GOLGA4: variants seen among roughly 807,000 people sequenced by gnomAD.
The protein encoded by GOLGA4 is golgin A4, also known as golgin subfamily A member 4.
In GOLGA4, 169 loss-of-function variants were observed where a neutral mutation model predicts 265.9. The observed-to-expected ratio is 0.64, with a 90% CI of 0.56 to 0.72. The LOEUF (loss-of-function observed/expected upper bound fraction) is 0.72. GOLGA4 is among the 30% of genes least tolerant of loss of function. The pLI, the probability that GOLGA4 is intolerant of heterozygous loss-of-function variation, is 0.00. For synonymous variants in GOLGA4, 923 were observed against 855.8 expected, an observed-to-expected ratio of 1.08 and a Z score of -1.37; for missense variants, 2,482 against 2,483.4, an observed-to-expected ratio of 1.00 and a Z score of 0.01.
At chr3:37,362,077 C>T (rs1696317474) in intron 23 of GOLGA4, among the ~76,000 whole-genome samples, 1 of 152,150 alleles carries the variant, frequency 6.6e-6, no homozygotes, top group Non-Finnish European at 1.5e-5. Flanking sequence ...AAAAACAGAT[C>T]ACAATTAGTA....
intron 1 of GOLGA4, among the ~76,000 whole-genome samples, chr3:37,248,182 C>T (rs1369846747): frequency 1.3e-5 from 2 of 152,200 alleles, no homozygotes; most frequent in South Asian, 2.1e-4. Context: ...TACTGTGTTA[C>T]TCAGGCAGTC....
chr3:37,319,279 G>T (rs1352974863), intron 12 of GOLGA4, 85 bp downstream of exon 12: 3 of 1,122,866 alleles, frequency 2.7e-6, no homozygotes, highest in Middle Eastern at 2.2e-4. Flanking sequence ...CATTCCAGTT[G>T]GAAGTCAGAC....
Position 37,340,167 on chromosome 3 carries a change from T to C in GOLGA4, c.6440T>C (p.Val2147Ala). ...CGTTTGAAGAAATATGAAAAGAATG[T>C]ATATGCAACAACTGTGGGGACACCT... ...EDRLKKYEKNVYATTVGTPYK... is the reference protein window; with the variant it reads ...EDRLKKYEKNAYATTVGTPYK... Residue 2147 changes from valine (V) to alanine (A), a missense_variant, in exon 20 of 24, where the codon GTA (valine) becomes GCA (alanine). Coordinates refer to ENST00000361924, the MANE Select transcript of GOLGA4 (RefSeq NM_002078.5). The C allele has an allele frequency of 7.0e-7, 1 of 1,437,850 alleles. No individual in the cohort carries two copies. The highest frequency in any genetic ancestry group is 9.7e-7 in the Non-Finnish European group (1 of 1,034,762). The allele number at this position is 1,437,850 out of a possible 1,614,324, so 89.1% of individuals were successfully genotyped here. A position where few individuals can be genotyped will look rare whatever the true frequency, so the allele number is the denominator to read the frequency against.
At position 37,303,708 on chromosome 3, in the gene GOLGA4, A is replaced by AAGTTTTACAGTAGT. The variant is rs1225539731; in HGVS notation, c.1234+1380_1234+1393dup. On this transcript the variant is annotated intron_variant, in intron 10 of 23. Coordinates refer to ENST00000361924, the MANE Select transcript of GOLGA4 (RefSeq NM_002078.5). ...GAGAGGCGGATTTCTACAAAAGATT[A>AAGTTTTACAGTAGT]AGTTTTACAGTAGTAGTAATAGTCA... Among the ~76,000 whole-genome samples the AAGTTTTACAGTAGT allele has an allele frequency of 2.6e-5, 4 of 152,324 alleles. No homozygotes were observed. In the East Asian group the frequency reaches 7.7e-4, roughly 29 times the overall value.
rs1445187218 is a variant in GOLGA4, at chr3:37,251,457, A to G, written c.135A>G (p.Gln45=). 5 of 1,610,268 alleles carry G rather than the reference A, an allele frequency of 3.1e-6. No homozygotes were observed. Among genetic ancestry groups the G allele is most frequent in the East Asian group, 2.2e-5 (1 of 44,842 alleles). ...MRSRTSSFTE[Q]LDEGTPNRES... ...GCAGGACATCTTCATTTACAGAGCA[A>G]CTTGATGAAGGTACACCCAATAGAG... Residue 45 remains glutamine (Q), a synonymous_variant, in exon 2 of 24, where the codon CAA becomes CAG. Coordinates refer to ENST00000361924, the MANE Select transcript of GOLGA4 (RefSeq NM_002078.5).
In GOLGA4 at chr3:37,355,155, A is replaced by C. The variant is rs199947560; in HGVS notation, c.6631A>C (p.Lys2211Gln). ...VLKFPDDQTQ[K>Q]ILEREDARLM... ...GAAGTTCCCTGATGATCAGACTCAG[A>C]AAATTTTGGAAAGAGAAGATGCTCG... The change falls in exon 22 of 24, where the codon AAA becomes CAA. Residue 2211 changes from lysine (K) to glutamine (Q), a missense_variant. Around this residue, in one of 3 missense-constraint regions of GOLGA4, gnomAD observed 942 missense variants for 983.1 expected, o/e 0.96. Transcript: ENST00000361924. 2.5e-6 allele frequency: 4 copies of C among 1,607,238 alleles called. No individual in the cohort carries two copies. Among genetic ancestry groups the C allele is most frequent in the Non-Finnish European group, 3.4e-6 (4 of 1,174,150 alleles).
Position 37,316,766 on chromosome 3 carries a change from A to G in GOLGA4, c.1413+1168A>G, listed in dbSNP as rs148235439. 5.7e-3 allele frequency among the ~76,000 whole-genome samples: 868 copies of G among 152,208 alleles called. 4 individuals carry two copies. Among genetic ancestry groups the G allele is most frequent in the African/African-American group, 0.02 (840 of 41,554 alleles). Reference sequence around the variant, plus strand: ...ATTTTCCTTTTTGAGTATATTTCCCAGAGATAGCCTGTGTATATAATTTCT... The same window carrying G: ...ATTTTCCTTTTTGAGTATATTTCCCGGAGATAGCCTGTGTATATAATTTCT... On this transcript the variant is annotated intron_variant, in intron 11 of 23. Transcript: ENST00000361924.
chr3:37,279,323 G>C (rs1414309917), intron 2 of GOLGA4, among the ~76,000 whole-genome samples: 1 of 152,202 alleles, frequency 6.6e-6, no homozygotes, highest in Non-Finnish European at 1.5e-5. Context: ...ACCTCGTGAT[G>C]AGTTGGAGTC....
intron 5 of GOLGA4, among the ~76,000 whole-genome samples, chr3:37,291,190 C>T (rs557445202): frequency 6.6e-5 from 10 of 152,056 alleles, no homozygotes; most frequent in Admixed American, 1.3e-4. Context: ...TTAAAACATT[C>T]GCATTATTTA....
intron 11 of GOLGA4, among the ~76,000 whole-genome samples, chr3:37,316,823 A>G (rs887999119): frequency 6.6e-6 from 1 of 151,628 alleles, no homozygotes; most frequent in African/African-American, 2.4e-5. Flanking sequence ...TTCCTTATAG[A>G]TGGATTTATT....
chr3:37,258,153 T>C (rs1233801266), intron 2 of GOLGA4, among the ~76,000 whole-genome samples: 7 of 143,526 alleles, frequency 4.9e-5, no homozygotes, highest in African/African-American at 1.8e-4. Flanking sequence ...ATATGTTCTG[T>C]ATATGTATGC....
At chr3:37,244,721 A>G (rs1432721999) in intron 1 of GOLGA4, among the ~76,000 whole-genome samples, 1 of 152,200 alleles carries the variant, frequency 6.6e-6, no homozygotes, top group Admixed American at 6.5e-5. Flanking sequence ...TTTAAATGTA[A>G]AGCTCATGTG....
chr3:37,311,994 T>G (rs1394529060), intron 10 of GOLGA4, among the ~76,000 whole-genome samples: 1 of 152,196 alleles, frequency 6.6e-6, no homozygotes, highest in Non-Finnish European at 1.5e-5. Context: ...AAACAGAAAA[T>G]TCACTAGTAT....
At chr3:37,337,770 A>G in intron 19 of GOLGA4, 36 bp downstream of exon 19, 1 of 1,324,718 alleles carries the variant, frequency 7.5e-7, no homozygotes, top group Non-Finnish European at 1.1e-6. Flanking sequence ...TTTTGAACTA[A>G]AGTTTCGTTA....
intron 2 of GOLGA4, chr3:37,275,798 A>G (rs374311903): frequency 7.1e-5 from 115 of 1,613,672 alleles, no homozygotes; most frequent in Admixed American, 2.7e-4. Context: ...GAATATTCCT[A>G]TGACCCTGGA....
chr3:37,294,012 A>G (rs1247230175), intron 5 of GOLGA4, among the ~76,000 whole-genome samples: 1 of 152,142 alleles, frequency 6.6e-6, no homozygotes, highest in Non-Finnish European at 1.5e-5. Flanking sequence ...CGTTATTATA[A>G]TCTTATGAAA....
intron 20 of GOLGA4, among the ~76,000 whole-genome samples, chr3:37,346,584 T>A: frequency 6.6e-6 from 1 of 152,220 alleles, no homozygotes; most frequent in East Asian, 1.9e-4. Flanking sequence ...TTTTAGTTGT[T>A]GCGATTTTGC....
chr3:37,324,321 A>G lies in GOLGA4; in HGVS notation c.2435A>G (p.Glu812Gly). 1.2e-6 allele frequency: 2 copies of G among 1,614,170 alleles called. No individual in the cohort carries two copies. Among genetic ancestry groups the G allele is most frequent in the Non-Finnish European group, 1.7e-6 (2 of 1,180,024 alleles). Residue 812 changes from glutamate to glycine, a missense_variant, in exon 14 of 24, where the codon GAG becomes GGG. Coordinates refer to ENST00000361924, the MANE Select transcript of GOLGA4 (RefSeq NM_002078.5). The stretch of plus-strand genomic sequence containing the variant: ...CAGTCTTACCAGAGTGCCACACATG[A>G]GCAGACAAAAGCATATGAGGAACAG... The part of the protein sequence containing the change: ...VFQSYQSATH[E>G]QTKAYEEQLA...
intron 3 of GOLGA4, among the ~76,000 whole-genome samples, chr3:37,284,272 C>CT (rs1264228655): frequency 6.6e-6 from 1 of 151,778 alleles, no homozygotes; most frequent in Non-Finnish European, 1.5e-5. Context: ...CACCATTTTT[C>CT]TTTTTTTTGT....
Sources: allele counts gnomAD v4.1 joint callset (sites outside exome capture counted in the v4.1 genomes callset), GRCh38; gene constraint gnomAD v4.1.1; regional missense constraint gnomAD v4.1.1; transcripts MANE v1.5; gene names NCBI Gene and HGNC (gene_info 2026-07-23, HGNC 2026-07-21).